Variants in PELI2 observed in about 807,000 individuals in gnomAD.
PELI2 encodes E3 ubiquitin-protein ligase pellino homolog 2.
In PELI2, 23 loss-of-function variants were observed where a neutral mutation model predicts 42.3. The observed-to-expected ratio is 0.54, with a 90% CI of 0.39 to 0.77. The LOEUF is 0.77. Ranked by LOEUF, PELI2 falls within the 30% of genes least tolerant of loss-of-function variation. The pLI is 0.00. For synonymous variants in PELI2, 245 were observed against 212.2 expected (o/e 1.15, Z -1.34); for missense variants, 463 against 553.2 (o/e 0.84, Z 1.64).
chr14:56,214,016 T>G (rs983436580), intron 2 of PELI2, among the ~76,000 whole-genome samples: 9 of 152,102 alleles, frequency 5.9e-5, no homozygotes, highest in Admixed American at 3.9e-4. Flanking sequence ...TATGCCCAAC[T>G]AATTTTTGTA....
rs917547023 is a variant in PELI2, at chr14:56,180,450, A to C, written c.207+1986A>C. ...GGAGTATCAACAACAGTGCACATGG[A>C]TATTTTTTCAAGAGTGTTAGATAGT... On this transcript the variant is annotated intron_variant, in intron 2 of 5. Coordinates refer to ENST00000267460, the MANE Select transcript of PELI2 (RefSeq NM_021255.3). The surrounding 1 kb of genome is among the most constrained non-coding windows in gnomAD (Gnocchi z 4.4). Among the ~76,000 whole-genome samples the C allele has an allele frequency of 2.0e-5, 3 of 152,156 alleles. No homozygotes were observed. Among genetic ancestry groups the C allele is most frequent in the Admixed American group, 2.0e-4 (3 of 15,270 alleles).
At chr14:56,196,824 G>A (rs893529835) in intron 2 of PELI2, among the ~76,000 whole-genome samples, 2 of 152,056 alleles carry the variant, frequency 1.3e-5, no homozygotes, top group African/African-American at 4.8e-5. Context: ...TCTGTTATAT[G>A]TGTTGCATAT....
At chr14:56,169,748 A>T (rs1885099490) in intron 1 of PELI2, among the ~76,000 whole-genome samples, 1 of 152,214 alleles carries the variant, frequency 6.6e-6, no homozygotes, top group Non-Finnish European at 1.5e-5. Flanking sequence ...CAATGGGTGG[A>T]GCCTTTAATT....
intron 2 of PELI2, among the ~76,000 whole-genome samples, chr14:56,209,972 G>A (rs1566638834): frequency 1.3e-5 from 2 of 152,162 alleles, no homozygotes; most frequent in Non-Finnish European, 2.9e-5. Flanking sequence ...TTCATGATTG[G>A]ATCTTGGACT....
chr14:56,121,685 G>T (rs1290404271), intron 1 of PELI2, among the ~76,000 whole-genome samples: 1 of 152,210 alleles, frequency 6.6e-6, no homozygotes, highest in African/African-American at 2.4e-5. Context: ...ACCTGAATAA[G>T]CCCTTCTCTC....
chr14:56,297,075 A>G lies in PELI2; in HGVS notation c.1172A>G (p.His391Arg), dbSNP rs922523501. Residue 391 changes from histidine (H) to arginine (R), a missense_variant, in exon 6 of 6, where the codon CAT (histidine) becomes CGT (arginine). Transcript: ENST00000267460. ...CAGATCCCGTTGCCTCATGGAACTC[A>G]TGCATTTCACGCTGCTTGCCCTTTC... ...WSQIPLPHGT[H>R]AFHAACPFCA... 1 of 1,612,294 alleles carries G rather than the reference A, an allele frequency of 6.2e-7. No homozygotes were observed. Among genetic ancestry groups the G allele is most frequent in the Non-Finnish European group, 8.5e-7 (1 of 1,179,930 alleles).
At chr14:56,253,122 GC>G (rs1888402949) in intron 2 of PELI2, among the ~76,000 whole-genome samples, 1 of 152,162 alleles carries the variant, frequency 6.6e-6, no homozygotes, top group Admixed American at 6.5e-5. Flanking sequence ...CTCCGTAGAT[GC>G]AGAAAAGGCC....
Position 56,118,754 on chromosome 14 carries a change from C to T in PELI2, c.77+17C>T, listed in dbSNP as rs756776431. 3 of 1,472,574 alleles carry T rather than the reference C, an allele frequency of 2.0e-6. No individual in the cohort carries two copies. The highest frequency in any genetic ancestry group is 1.8e-6 in the Non-Finnish European group (2 of 1,101,416). 91.2% of individuals were successfully genotyped at this position (1,472,574 alleles called of 1,614,324 possible). A position where few individuals can be genotyped will look rare whatever the true frequency, so the allele number is the denominator to read the frequency against. On this transcript the variant is annotated intron_variant, in intron 1 of 5. Coordinates refer to ENST00000267460, the MANE Select transcript of PELI2 (RefSeq NM_021255.3). ...GGTGCTCGGGTGAGTCCTGGGGTCC[C>T]TGGTCCCGGGCAGCGGCGCGGGCGG...
intron 5 of PELI2, among the ~76,000 whole-genome samples, chr14:56,291,119 T>C (rs943487358): frequency 2.0e-5 from 3 of 152,242 alleles, no homozygotes; most frequent in African/African-American, 7.2e-5. Flanking sequence ...GTTTCTGATC[T>C]TGCCATAGCC....
chr14:56,279,942 A>G (rs913405476), intron 3 of PELI2, among the ~76,000 whole-genome samples, 165 bp downstream of exon 3: 2 of 152,186 alleles, frequency 1.3e-5, no homozygotes, highest in Non-Finnish European at 2.9e-5. Flanking sequence ...AAAAAACTTA[A>G]TTCTTTAATT....
intron 1 of PELI2, among the ~76,000 whole-genome samples, chr14:56,151,546 A>G (rs1884357715): frequency 6.6e-6 from 1 of 152,200 alleles, no homozygotes; most frequent in African/African-American, 2.4e-5. Context: ...CTAGGACCTG[A>G]TGTCACAGTG....
intron 2 of PELI2, among the ~76,000 whole-genome samples, chr14:56,237,277 C>G (rs1887831976): frequency 6.6e-6 from 1 of 152,164 alleles, no homozygotes; most frequent in Non-Finnish European, 1.5e-5. Flanking sequence ...TCAATTAATT[C>G]CTAAGAAATC....
Position 56,222,475 on chromosome 14 carries a change from G to A in PELI2, c.207+44011G>A, listed in dbSNP as rs113842080. 5.8e-3 allele frequency among the ~76,000 whole-genome samples: 890 copies of A among 152,288 alleles called. 10 individuals are homozygous for A. The highest frequency in any genetic ancestry group is 0.02 in the African/African-American group (835 of 41,560). ...CTTAGTTGAAGCTCACCACGTGCCT[G>A]TGCCAGACACTGTCTGAAACCCTTC... is the stretch of plus-strand genomic sequence containing the variant. On this transcript the variant is annotated intron_variant, in intron 2 of 5. Transcript: ENST00000267460.
At chr14:56,195,756 T>A (rs1023107100) in intron 2 of PELI2, among the ~76,000 whole-genome samples, 4 of 152,236 alleles carry the variant, frequency 2.6e-5, no homozygotes, top group Non-Finnish European at 5.9e-5. Context: ...TGGGAGCGGT[T>A]CTACAGAGAT....
chr14:56,294,770 C>T (rs1045545818), intron 5 of PELI2, among the ~76,000 whole-genome samples: 6 of 152,192 alleles, frequency 3.9e-5, no homozygotes, highest in Admixed American at 6.5e-5. Flanking sequence ...TTACCACCAC[C>T]GATACTCTGC....
chr14:56,187,380 A>G (rs1292248114), intron 2 of PELI2, among the ~76,000 whole-genome samples: 2 of 152,228 alleles, frequency 1.3e-5, no homozygotes, highest in Admixed American at 1.3e-4. Flanking sequence ...ATAAGCTGTC[A>G]GTCTAAAATC....
At chr14:56,264,759 C>G (rs533309240) in intron 2 of PELI2, among the ~76,000 whole-genome samples, 1 of 152,198 alleles carries the variant, frequency 6.6e-6, no homozygotes, top group African/African-American at 2.4e-5. Flanking sequence ...TAAACAGAAA[C>G]ACAGAAAACA....
chr14:56,293,739 C>G (rs935848384), intron 5 of PELI2, among the ~76,000 whole-genome samples: 3 of 152,182 alleles, frequency 2.0e-5, no homozygotes, highest in Non-Finnish European at 4.4e-5. Context: ...AAGGTACTTT[C>G]CCTCCACAGG....
intron 5 of PELI2, among the ~76,000 whole-genome samples, chr14:56,293,766 T>G (rs1889911165): frequency 6.6e-6 from 1 of 152,132 alleles, no homozygotes; most frequent in Non-Finnish European, 1.5e-5. Flanking sequence ...ACCCCAGATG[T>G]GGGAGTCAAG....
Sources: gnomAD v4.1 joint callset for allele counts (sites outside exome capture counted in the v4.1 genomes callset) on GRCh38, gnomAD v4.1.1 for gene constraint, Gnocchi (gnomAD v3.1) non-coding constraint, MANE v1.5 for transcripts, NCBI Gene and HGNC (gene_info 2026-07-23, HGNC 2026-07-21) for gene names.